Variants in SLCO3A1 observed in about 807,000 individuals in gnomAD.
The protein encoded by SLCO3A1 is PGE1 transporter.
SLCO3A1 carries 27 observed loss-of-function variants against 63.1 expected under a neutral mutation model. The observed-to-expected ratio is 0.43, with a 90% confidence interval of 0.32 to 0.59. The LOEUF is 0.59. Among genes scored for constraint, SLCO3A1 ranks in the 20% least tolerant of loss-of-function variants. The pLI is 0.09. For missense variants in SLCO3A1, 773 were observed against 945.8 expected, an observed-to-expected ratio of 0.82 and a Z score of 2.40; for synonymous variants, 473 against 409.9, an observed-to-expected ratio of 1.15 and a Z score of -1.86.
At chr15:92,031,772 C>G (rs774887203) in intron 2 of SLCO3A1, among the ~76,000 whole-genome samples, 10 of 152,170 alleles carry the variant, frequency 6.6e-5, no homozygotes, top group Admixed American at 1.3e-4. Flanking sequence ...GCATCCATCA[C>G]CTCAAGCATT....
In SLCO3A1 at chr15:91,871,840, G is replaced by T. The variant is rs1897290565; in HGVS notation, c.180+17752G>T. 2.2e-5 allele frequency among the ~76,000 whole-genome samples: 3 copies of T among 135,896 alleles called. No individual in the cohort carries two copies. The East Asian group carries it at 7.3e-4, about 33-fold the overall frequency. The allele number at this position is 135,896 out of a possible 152,430, so 89.2% of individuals were successfully genotyped here. On this transcript the variant is annotated intron_variant, in intron 1 of 9. Coordinates refer to ENST00000318445, the MANE Select transcript of SLCO3A1 (RefSeq NM_013272.4). ...TTTTTTTTTAATTCAAATTTAGGAA[G>T]AGTGAGATTTTATACAGAGGTTTAA...
intron 9 of SLCO3A1, chr15:92,151,304 G>C: frequency 6.9e-6 from 2 of 289,850 alleles, no homozygotes; most frequent in Non-Finnish European, 6.4e-6. Context: ...AAATCTGGTG[G>C]TGTAATTTGG....
At chr15:92,171,746 T>C in intron 10 of SLCO3A1, 4 of 1,447,872 alleles carry the variant, frequency 2.8e-6, no homozygotes, top group Non-Finnish European at 3.8e-6. Context: ...GATCTCTTTT[T>C]CCTCTTGGCT....
Position 92,165,147 on chromosome 15 carries a change from C to A in SLCO3A1, c.*2012C>A. ...ATCTAGAGAAGGCACTCAGCAAGAC[C>A]AACCAAAAGAAAAGCTGTGTCGTGG... On this transcript the variant is annotated 3_prime_UTR_variant, in exon 10 of 10. Transcript: ENST00000318445. 1.0e-6 allele frequency: 1 copy of A among 985,352 alleles called. No homozygotes were observed. The highest frequency in any genetic ancestry group is 1.2e-6 in the Non-Finnish European group (1 of 829,922). The allele number at this position is 985,352 out of a possible 1,614,324, so 61.0% of individuals were successfully genotyped here.
chr15:92,043,715 C>G (rs2046825891), intron 2 of SLCO3A1, among the ~76,000 whole-genome samples: 1 of 152,234 alleles, frequency 6.6e-6, no homozygotes, highest in African/African-American at 2.4e-5. Context: ...TTCTTTATTT[C>G]CACATAATGA....
chr15:92,081,966 A>G (rs565400906), intron 2 of SLCO3A1, among the ~76,000 whole-genome samples: 1 of 152,342 alleles, frequency 6.6e-6, no homozygotes, highest in South Asian at 2.1e-4. Context: ...AGGGGCACAT[A>G]TGCTCTGGCT....
chr15:92,116,682 G>C (rs2047799350), intron 4 of SLCO3A1, among the ~76,000 whole-genome samples: 1 of 152,230 alleles, frequency 6.6e-6, no homozygotes, highest in African/African-American at 2.4e-5. Context: ...GCAAAAGCTT[G>C]AAACACAGGG....
At chr15:91,920,889 C>T (rs56079731) in intron 2 of SLCO3A1, among the ~76,000 whole-genome samples, 13,169 of 152,170 alleles carry the variant, frequency 0.087, 662 homozygotes, top group Non-Finnish European at 0.1. Flanking sequence ...GTTAGCTCTT[C>T]GGAGCTAAGA....
At chr15:91,974,863 T>A (rs779250159) in intron 2 of SLCO3A1, among the ~76,000 whole-genome samples, 1 of 152,126 alleles carries the variant, frequency 6.6e-6, no homozygotes, top group Non-Finnish European at 1.5e-5. Flanking sequence ...GACAGTTCCT[T>A]CATTAAGAAA....
At position 91,950,022 on chromosome 15, in the gene SLCO3A1, A is replaced by G. The variant is rs745909613; in HGVS notation, c.646+33564A>G. Among the ~76,000 whole-genome samples, 1 of 152,132 alleles carries G rather than the reference A, an allele frequency of 6.6e-6. No homozygotes were observed. Among genetic ancestry groups the G allele is most frequent in the Non-Finnish European group, 1.5e-5 (1 of 68,020 alleles). ...ACCCTGTCTCTAAAAAACAACAACG[A>G]AAAGAAGGCAGACTGTGATGGATTC... On this transcript the variant is annotated intron_variant, in intron 2 of 9. Coordinates refer to ENST00000318445, the MANE Select transcript of SLCO3A1 (RefSeq NM_013272.4). The surrounding 1 kb of genome is among the most constrained non-coding windows in gnomAD (Gnocchi z 4.4).
intron 1 of SLCO3A1, among the ~76,000 whole-genome samples, chr15:91,870,061 T>G (rs980517758): frequency 6.6e-5 from 10 of 152,136 alleles, no homozygotes; most frequent in African/African-American, 2.4e-4. Flanking sequence ...ATCCTTCCCT[T>G]TGGGGAGGAT....
At chr15:92,169,513 CT>C (rs1196436190), downstream of SLCO3A1, among the ~76,000 whole-genome samples, 2 of 152,232 alleles carry the variant, frequency 1.3e-5, no homozygotes, top group African/African-American at 4.8e-5. Context: ...CTTCTAACCC[CT>C]GATCCCAGTG....
At chr15:92,043,619 T>C (rs1393540294) in intron 2 of SLCO3A1, among the ~76,000 whole-genome samples, 1 of 152,216 alleles carries the variant, frequency 6.6e-6, no homozygotes, top group African/African-American at 2.4e-5. Context: ...CATAGACAAG[T>C]TTTATTTCAT....
At chr15:92,109,721 A>G (rs1352063478) in intron 4 of SLCO3A1, among the ~76,000 whole-genome samples, 1 of 151,946 alleles carries the variant, frequency 6.6e-6, no homozygotes, top group Non-Finnish European at 1.5e-5. Context: ...AGAGTCTTCA[A>G]AGCCACCACC....
intron 2 of SLCO3A1, among the ~76,000 whole-genome samples, chr15:91,923,670 GTAA>G (rs1898919832): frequency 6.6e-6 from 1 of 152,170 alleles, no homozygotes; most frequent in African/African-American, 2.4e-5. Flanking sequence ...AAACAGAAAT[GTAA>G]TAAGAAAACC....
chr15:92,109,478 A>G (rs144652843), intron 4 of SLCO3A1, among the ~76,000 whole-genome samples: 1 of 152,270 alleles, frequency 6.6e-6, no homozygotes, highest in East Asian at 1.9e-4. Context: ...ACTCCCTGCA[A>G]CCATTGGCCT....
At chr15:92,060,751 C>T (rs1037863493) in intron 2 of SLCO3A1, among the ~76,000 whole-genome samples, 4 of 152,168 alleles carry the variant, frequency 2.6e-5, no homozygotes, top group African/African-American at 9.6e-5. Flanking sequence ...CTGCCCGCCT[C>T]AGCCTCCCAA....
At chr15:92,041,137 A>C (rs535139228) in intron 2 of SLCO3A1, among the ~76,000 whole-genome samples, 1 of 152,286 alleles carries the variant, frequency 6.6e-6, no homozygotes, top group African/African-American at 2.4e-5. Flanking sequence ...TAATATGCCT[A>C]GCCCCCTTCC....
At chr15:92,153,245 CAAA>C (rs11347750) in intron 9 of SLCO3A1, among the ~76,000 whole-genome samples, 6 of 140,364 alleles carry the variant, frequency 4.3e-5, no homozygotes, top group African/African-American at 1.6e-4. Flanking sequence ...CTGAAACAAA[CAAA>C]AAAAAAAAAT....
Sources: gnomAD v4.1 joint callset for allele counts (sites outside exome capture counted in the v4.1 genomes callset) on GRCh38, gnomAD v4.1.1 for gene constraint, Gnocchi (gnomAD v3.1) non-coding constraint, MANE v1.5 for transcripts, NCBI Gene and HGNC (gene_info 2026-07-23, HGNC 2026-07-21) for gene names.